Variants in INTS15 observed in about 807,000 individuals in gnomAD.
The protein encoded by INTS15 is integrator complex subunit 15.
chr7:6,594,418 G>C, the INTS15 span: 48 of 1,613,868 alleles, frequency 3.0e-5, no homozygotes, highest in Admixed American at 8.3e-5. Flanking sequence ...TAAGTGGACT[G>C]TGTGGCTTCT....
At chr7:6,603,591 C>T in the INTS15 span, among the ~76,000 whole-genome samples, 3 of 151,958 alleles carry the variant, frequency 2.0e-5, no homozygotes, top group African/African-American at 7.3e-5. Context: ...GTAATCCCAG[C>T]ACTTCGGGAG....
chr7:6,590,481 G>C, the INTS15 span: 2 of 1,568,142 alleles, frequency 1.3e-6, no homozygotes, highest in Admixed American at 3.7e-5. Flanking sequence ...CCAAGGTGCG[G>C]CCTGAGACGG....
chr7:6,608,557 C>G, the INTS15 span: 1 of 1,097,690 alleles, frequency 9.1e-7, no homozygotes, highest in African/African-American at 1.7e-5. Flanking sequence ...TGGGCTCCTT[C>G]TGCAGCCCCG....
the INTS15 span, among the ~76,000 whole-genome samples, chr7:6,595,741 G>C: frequency 6.6e-6 from 1 of 152,050 alleles, no homozygotes; most frequent in African/African-American, 2.4e-5. Flanking sequence ...GAATACGGTG[G>C]TGCAGTCATA....
At chr7:6,600,200 C>T in the INTS15 span, 1 of 1,614,188 alleles carries the variant, frequency 6.2e-7, no homozygotes, top group South Asian at 1.1e-5. Flanking sequence ...GGGGCTGATC[C>T]TCTTCGACCA....
the INTS15 span, chr7:6,608,156 C>T: frequency 5.8e-6 from 9 of 1,560,800 alleles, no homozygotes; most frequent in Non-Finnish European, 8.7e-7. Flanking sequence ...CAGGCCCATC[C>T]GCTAGGCTGG....
the INTS15 span, chr7:6,590,361 C>G: frequency 6.2e-7 from 1 of 1,606,828 alleles, no homozygotes; most frequent in Non-Finnish European, 8.5e-7. Context: ...ACCTGGACAT[C>G]TACTTCAGCA....
At chr7:6,598,765 G>A in the INTS15 span, among the ~76,000 whole-genome samples, 3,380 of 110,686 alleles carry the variant, frequency 0.031, 69 homozygotes, top group Middle Eastern at 0.043. Flanking sequence ...GTGTGTGTGT[G>A]TGTGTGTGTG....
At chr7:6,597,178 T>A in the INTS15 span, among the ~76,000 whole-genome samples, 2 of 152,178 alleles carry the variant, frequency 1.3e-5, no homozygotes, top group Non-Finnish European at 2.9e-5. Context: ...GGGATTTCCC[T>A]TCTCTCTCCT....
At chr7:6,608,549 G>C in the INTS15 span, 1 of 1,103,114 alleles carries the variant, frequency 9.1e-7, no homozygotes, top group Middle Eastern at 4.2e-4. Flanking sequence ...AGAAAAAGTG[G>C]GCTCCTTCTG....
chr7:6,592,616 T>C, the INTS15 span, among the ~76,000 whole-genome samples: 1 of 147,314 alleles, frequency 6.8e-6, no homozygotes, highest in Non-Finnish European at 1.5e-5. Context: ...TTTCTTTTTC[T>C]TTTTTTTTTT....
At chr7:6,591,962 A>G in the INTS15 span, 247 of 1,117,480 alleles carry the variant, frequency 2.2e-4, no homozygotes, top group South Asian at 2.5e-3. Context: ...ACTTGAGGTC[A>G]GGGGTTCAAG....
the INTS15 span, chr7:6,602,705 T>A: frequency 2.1e-6 from 1 of 471,208 alleles, no homozygotes; most frequent in South Asian, 1.5e-5. Context: ...TGTGAATTTC[T>A]CATCCTACTC....
chr7:6,600,046 T>C, the INTS15 span: 8 of 1,614,050 alleles, frequency 5.0e-6, no homozygotes, highest in Non-Finnish European at 6.8e-6. Context: ...CCAATGGCCA[T>C]GTCAGCAACA....
the INTS15 span, among the ~76,000 whole-genome samples, chr7:6,592,577 CTT>C: frequency 6.7e-6 from 1 of 149,924 alleles, no homozygotes; most frequent in Admixed American, 6.7e-5. Context: ...AAAAAAAAAA[CTT>C]TTTTTTTAAA....
At chr7:6,603,666 C>T in the INTS15 span, among the ~76,000 whole-genome samples, 2 of 151,904 alleles carry the variant, frequency 1.3e-5, no homozygotes, top group African/African-American at 2.4e-5. Context: ...TGGTGAAACC[C>T]CATCTCTACT....
chr7:6,599,961 C>T, the INTS15 span: 5 of 1,614,228 alleles, frequency 3.1e-6, no homozygotes, highest in Admixed American at 8.3e-5. Flanking sequence ...TTAGAGCTCA[C>T]CCCGCTCGTT....
the INTS15 span, chr7:6,590,171 G>A: frequency 2.2e-6 from 2 of 930,142 alleles, no homozygotes; most frequent in Non-Finnish European, 2.9e-6. Flanking sequence ...AAGCGGGCGG[G>A]TGCCGCAGCC....
chr7:6,601,850 T>C, the INTS15 span, among the ~76,000 whole-genome samples: 1 of 150,826 alleles, frequency 6.6e-6, no homozygotes, highest in Non-Finnish European at 1.5e-5. Context: ...AGAGATGGGG[T>C]TTCACCATGT....
Sources: gnomAD v4.1 joint callset for allele counts (sites outside exome capture counted in the v4.1 genomes callset) on GRCh38, gnomAD v4.1.1 for gene constraint, MANE v1.5 for transcripts, NCBI Gene and HGNC (gene_info 2026-07-23, HGNC 2026-07-21) for gene names.